The following LRRC4C variants were observed in gnomAD, a reference collection of about 807,000 sequenced individuals.
LRRC4C encodes the protein leucine rich repeat containing 4C, also known as leucine-rich repeat-containing protein 4C.
A neutral mutation model predicts 33.6 loss-of-function variants in LRRC4C; 5 were observed. That is an observed-to-expected ratio of 0.15 (90% CI 0.08 to 0.31). LRRC4C has a LOEUF of 0.31. Ranked by LOEUF, LRRC4C falls within the 10% of genes least tolerant of loss-of-function variation. LRRC4C has a pLI of 1.00. For missense variants in LRRC4C, 560 were observed against 796.7 expected (o/e 0.70, Z 3.58); for synonymous variants, 329 against 302.0 (o/e 1.09, Z -0.93).
At chr11:40,483,935 A>G (rs1953723677) in intron 3 of LRRC4C, among the ~76,000 whole-genome samples, 1 of 152,002 alleles carries the variant, frequency 6.6e-6, no homozygotes, top group African/African-American at 2.4e-5. Flanking sequence ...AATTCACTGT[A>G]AAACAAATGT....
chr11:41,382,348 C>A (rs1196722267), intron 1 of LRRC4C, among the ~76,000 whole-genome samples: 12 of 151,780 alleles, frequency 7.9e-5, no homozygotes, highest in African/African-American at 2.9e-4. Flanking sequence ...GGATTGTAAA[C>A]CCAGCAAAAG....
chr11:41,052,597 T>A (rs1858316157), intron 1 of LRRC4C, among the ~76,000 whole-genome samples: 2 of 151,708 alleles, frequency 1.3e-5, no homozygotes, highest in South Asian at 4.1e-4. Context: ...AAGTTATATA[T>A]CTTAATTTAT....
intron 3 of LRRC4C, among the ~76,000 whole-genome samples, chr11:40,545,046 AT>A (rs1956859649): frequency 1.3e-5 from 2 of 151,802 alleles, no homozygotes; most frequent in South Asian, 4.1e-4. Flanking sequence ...TTTTCTTTTA[AT>A]TTCCTTCTGG....
intron 2 of LRRC4C, among the ~76,000 whole-genome samples, chr11:40,831,491 A>G (rs1305789139): frequency 6.6e-6 from 1 of 152,178 alleles, no homozygotes; most frequent in African/African-American, 2.4e-5. Flanking sequence ...AAAAATAAAT[A>G]ATTAGATTTA....
chr11:40,657,415 C>A (rs959563934), intron 2 of LRRC4C, among the ~76,000 whole-genome samples: 1 of 152,188 alleles, frequency 6.6e-6, no homozygotes, highest in Non-Finnish European at 1.5e-5. Context: ...AGGAAAATAT[C>A]TTGGGCCCCC....
At chr11:40,892,714 C>T (rs912906901) in intron 2 of LRRC4C, among the ~76,000 whole-genome samples, 1 of 152,122 alleles carries the variant, frequency 6.6e-6, no homozygotes, top group Non-Finnish European at 1.5e-5. Flanking sequence ...TTTTGCTTCA[C>T]TTATTAGGTA....
At chr11:41,184,165 T>A (rs1017650812) in intron 1 of LRRC4C, among the ~76,000 whole-genome samples, 1 of 152,166 alleles carries the variant, frequency 6.6e-6, no homozygotes, top group African/African-American at 2.4e-5. Context: ...CCTTGGAGAC[T>A]TTTTCCCCAT....
At chr11:40,848,849 T>A (rs1253369903) in intron 2 of LRRC4C, among the ~76,000 whole-genome samples, 2 of 152,218 alleles carry the variant, frequency 1.3e-5, no homozygotes. Flanking sequence ...GCATATATAC[T>A]TAGAATAGTT....
chr11:41,210,280 T>C (rs1946768393), intron 1 of LRRC4C, among the ~76,000 whole-genome samples: 1 of 152,178 alleles, frequency 6.6e-6, no homozygotes, highest in Non-Finnish European at 1.5e-5. Flanking sequence ...CCACATGTTG[T>C]GGGAGGGACC....
At chr11:40,464,248 A>G (rs986681266) in intron 3 of LRRC4C, among the ~76,000 whole-genome samples, 1 of 152,132 alleles carries the variant, frequency 6.6e-6, no homozygotes, top group Non-Finnish European at 1.5e-5. Flanking sequence ...ATTTCAATAG[A>G]TGAGGAAAAA....
At chr11:40,511,468 C>T (rs1955311924) in intron 3 of LRRC4C, among the ~76,000 whole-genome samples, 1 of 152,136 alleles carries the variant, frequency 6.6e-6, no homozygotes. Context: ...TGCTATGGAC[C>T]AGTGCCTACT....
chr11:40,249,467 A>C (rs1442761916), intron 4 of LRRC4C, among the ~76,000 whole-genome samples: 1 of 151,956 alleles, frequency 6.6e-6, no homozygotes, highest in African/African-American at 2.4e-5. Flanking sequence ...AGTGACTATT[A>C]AATTAAAGAT....
intron 1 of LRRC4C, among the ~76,000 whole-genome samples, chr11:40,948,944 C>G: frequency 6.6e-6 from 1 of 152,126 alleles, no homozygotes; most frequent in South Asian, 2.1e-4. Flanking sequence ...AATTGCCACA[C>G]TGACTTCCAC....
At chr11:40,861,040 A>C (rs1188661587) in intron 2 of LRRC4C, among the ~76,000 whole-genome samples, 1 of 152,170 alleles carries the variant, frequency 6.6e-6, no homozygotes, top group Non-Finnish European at 1.5e-5. Flanking sequence ...TGTAAATTAC[A>C]TGAGAACATA....
At chr11:41,270,986 A>G (rs1162442151) in intron 1 of LRRC4C, among the ~76,000 whole-genome samples, 1 of 151,886 alleles carries the variant, frequency 6.6e-6, no homozygotes, top group Non-Finnish European at 1.5e-5. Flanking sequence ...CCTTTCTCCT[A>G]TAAATCAAAT....
At chr11:40,264,394 A>G (rs1942091279) in intron 4 of LRRC4C, among the ~76,000 whole-genome samples, 2 of 152,214 alleles carry the variant, frequency 1.3e-5, no homozygotes, top group African/African-American at 4.8e-5. Flanking sequence ...AAAATATATT[A>G]CGTTTGAAGT....
chr11:40,921,481 A>G (rs1397091917), intron 2 of LRRC4C, among the ~76,000 whole-genome samples: 1 of 152,136 alleles, frequency 6.6e-6, no homozygotes, highest in South Asian at 2.1e-4. Flanking sequence ...ACAACTACCA[A>G]GGAAATGAAT....
intron 3 of LRRC4C, among the ~76,000 whole-genome samples, chr11:40,603,029 A>G (rs976391594): frequency 2.0e-5 from 3 of 152,144 alleles, no homozygotes; most frequent in African/African-American, 7.2e-5. Context: ...GTATCTCTTT[A>G]TGACTGGGAG....
chr11:40,318,227 C>T (rs1056573949), intron 4 of LRRC4C, among the ~76,000 whole-genome samples: 7 of 151,890 alleles, frequency 4.6e-5, no homozygotes, highest in African/African-American at 7.3e-5. Context: ...GTGGTCAATC[C>T]GAATGCTTGC....
Sources: gnomAD v4.1 joint callset for allele counts (sites outside exome capture counted in the v4.1 genomes callset) on GRCh38, gnomAD v4.1.1 for gene constraint, MANE v1.5 for transcripts, NCBI Gene and HGNC (gene_info 2026-07-23, HGNC 2026-07-21) for gene names.